Variants in RPL31 observed in about 807,000 individuals in gnomAD.
RPL31 encodes ribosomal protein L31.
For missense variants in RPL31, 95 were observed against 164.0 expected, an observed-to-expected ratio of 0.58 and a Z score of 2.30; for synonymous variants, 51 against 55.0, an observed-to-expected ratio of 0.93 and a Z score of 0.32.
downstream of RPL31, among the ~76,000 whole-genome samples, chr2:101,010,324 A>C (rs1008746015): frequency 3.3e-5 from 5 of 152,166 alleles, no homozygotes; most frequent in African/African-American, 1.2e-4. Context: ...TGAAGGGAAG[A>C]ATGCTGTATC....
Position 101,006,079 on chromosome 2 carries a change from C to T in RPL31, c.346+8C>T, listed in dbSNP as rs1303265454. ...CTGTTACCACTTTCAAAAGTAAGTT[C>T]TCCATCCCATAAAGCCATTTAAATT... On this transcript the variant is annotated splice_region_variant and intron_variant, in intron 4 of 4. Transcript: ENST00000264258. The T allele has an allele frequency of 1.9e-6, 3 of 1,612,158 alleles. No homozygotes were observed. Among genetic ancestry groups the T allele is most frequent in the East Asian group, 2.2e-5 (1 of 44,858 alleles).
At chr2:101,014,703 G>A (rs1679483575) in intron 4 of RPL31, among the ~76,000 whole-genome samples, 1 of 152,158 alleles carries the variant, frequency 6.6e-6, no homozygotes, top group Non-Finnish European at 1.5e-5. Context: ...GGTTCCAGCA[G>A]ATATCTTGAC....
At chr2:101,019,269 A>G (rs1679879787) in exon 5 of RPL31, 1 of 426,386 alleles carries the variant, frequency 2.3e-6, no homozygotes, top group East Asian at 3.3e-5. Context: ...AGAATTCTTT[A>G]GGCACACAAA....
intron 4 of RPL31, among the ~76,000 whole-genome samples, chr2:101,013,640 G>A (rs1422844777): frequency 1.3e-5 from 2 of 152,130 alleles, no homozygotes; most frequent in Non-Finnish European, 2.9e-5. Context: ...TAGCCTTAGG[G>A]ACCTTCATTA....
chr2:101,016,896 G>C (rs1371679114), intron 4 of RPL31, among the ~76,000 whole-genome samples: 3 of 151,996 alleles, frequency 2.0e-5, no homozygotes, highest in Non-Finnish European at 4.4e-5. Flanking sequence ...GACACATGAA[G>C]GGGAACATCA....
chr2:101,010,602 C>G (rs543135086), downstream of RPL31, among the ~76,000 whole-genome samples: 8 of 152,110 alleles, frequency 5.3e-5, no homozygotes, highest in Middle Eastern at 6.8e-3. Flanking sequence ...AGTTAATTCT[C>G]GGTCGGGCGC....
intron 4 of RPL31, chr2:101,017,847 A>G (rs1461056928): frequency 1.3e-5 from 20 of 1,550,668 alleles, no homozygotes; most frequent in East Asian, 2.4e-5. Context: ...GCTACATGCA[A>G]TTCCCAATTA....
chr2:101,018,741 A>G (rs950922005), intron 4 of RPL31, among the ~76,000 whole-genome samples: 1 of 152,110 alleles, frequency 6.6e-6, no homozygotes, highest in Non-Finnish European at 1.5e-5. Context: ...AAACCTCCAA[A>G]TTGTCTCATT....
chr2:101,017,258 T>G (rs757726139), intron 4 of RPL31, among the ~76,000 whole-genome samples: 2 of 152,148 alleles, frequency 1.3e-5, no homozygotes, highest in African/African-American at 2.4e-5. Context: ...TGCCTGAGGC[T>G]GTTTTACAGT....
At chr2:101,018,175 T>C (rs910726337) in intron 4 of RPL31, 11 of 391,944 alleles carry the variant, frequency 2.8e-5, no homozygotes, top group African/African-American at 2.2e-4. Flanking sequence ...TACTAATCTA[T>C]AATTATGTTT....
intron 4 of RPL31, among the ~76,000 whole-genome samples, chr2:101,012,949 T>G (rs1039594206): frequency 6.6e-6 from 1 of 152,154 alleles, no homozygotes; most frequent in Non-Finnish European, 1.5e-5. Flanking sequence ...GGAGGAAAAT[T>G]GCAAACCGTG....
In RPL31 at chr2:101,002,684, C is replaced by A; in HGVS notation, c.1-18C>A. ...CTTGTTAAACTCTGCTCTGAGCCTC[C>A]TTGTCGCCTGCATTTAGATGGCTCC... On this transcript the variant is annotated intron_variant, in intron 1 of 4. Coordinates refer to ENST00000264258, the MANE Select transcript of RPL31 (RefSeq NM_000993.5). 1 of 1,602,548 alleles carries A rather than the reference C, an allele frequency of 6.2e-7. No homozygotes were observed. The highest frequency in any genetic ancestry group is 8.5e-7 in the Non-Finnish European group (1 of 1,169,748).
In RPL31 at chr2:101,004,263, T is replaced by C. The variant is rs200352375; in HGVS notation, c.213T>C (p.Ala71=). The change falls in exon 3 of 5, where the codon GCT becomes GCC. Residue 71 remains alanine, a synonymous_variant. Transcript: ENST00000264258. ...GCATTGACACCAGGCTCAACAAAGCTGTCTGGGCCAAAGGAATAAGGTGCT... is the reference window on the plus strand; with the variant it reads ...GCATTGACACCAGGCTCAACAAAGCCGTCTGGGCCAAAGGAATAAGGTGCT... ...DVRIDTRLNK[A]VWAKGIRNVP... The C allele has an allele frequency of 3.7e-5, 60 of 1,614,142 alleles. No individual in the cohort carries two copies. In the Admixed American group the frequency reaches 5.5e-4, roughly 15 times the overall value.
intron 4 of RPL31, among the ~76,000 whole-genome samples, chr2:101,013,338 C>G (rs997881473): frequency 1.6e-4 from 25 of 152,216 alleles, no homozygotes; most frequent in African/African-American, 6.0e-4. Flanking sequence ...AGAATGCATA[C>G]AGTCTTTAAA....
chr2:101,008,773 T>G (rs1249517332), downstream of RPL31, among the ~76,000 whole-genome samples: 1 of 151,366 alleles, frequency 6.6e-6, no homozygotes, highest in Non-Finnish European at 1.5e-5. Context: ...ATCACACCAT[T>G]GCACTCCAGC....
At chr2:101,003,422 C>T (rs1272969027) in intron 2 of RPL31, among the ~76,000 whole-genome samples, 1 of 152,068 alleles carries the variant, frequency 6.6e-6, no homozygotes, top group East Asian at 1.9e-4. Flanking sequence ...CTGGGATTAC[C>T]GGACCCCGCC....
At position 101,006,037 on chromosome 2, in the gene RPL31, T is replaced by G. The variant is rs770541159; in HGVS notation, c.312T>G (p.Thr104=). The G allele has an allele frequency of 5.6e-6, 9 of 1,614,014 alleles. No individual in the cohort carries two copies. Among genetic ancestry groups the G allele is most frequent in the Non-Finnish European group, 6.8e-6 (8 of 1,179,984 alleles). The change falls in exon 4 of 5, where the codon ACT becomes ACG. Residue 104 remains threonine, a synonymous_variant. Transcript: ENST00000264258. ...AAGATTCACCAAATAAGCTATATAC[T>G]TTGGTTACCTATGTACCTGTTACCA... ...EDEDSPNKLY[T]LVTYVPVTTF...
intron 4 of RPL31, among the ~76,000 whole-genome samples, chr2:101,012,864 A>G (rs1041783239): frequency 5.9e-5 from 9 of 152,254 alleles, no homozygotes; most frequent in Non-Finnish European, 1.2e-4. Context: ...TTGGAAAGCT[A>G]CCCTTACTTT....
rs1558959676 is a variant in RPL31, at chr2:101,006,735, ATATAC to A, written c.*358_*362del. ...CATTTTAGGAAACAACTTTAAAATGATATACTATCTATCTATCTATCTGTAGCATC... is the reference window on the plus strand; with the variant it reads ...CATTTTAGGAAACAACTTTAAAATGATATCTATCTATCTATCTGTAGCATC... On this transcript the variant is annotated 3_prime_UTR_variant, in exon 5 of 5. Transcript: ENST00000264258. The A allele has an allele frequency of 8.8e-6, 2 of 226,964 alleles. No individual in the cohort carries two copies. The highest frequency in any genetic ancestry group is 4.6e-5 in the African/African-American group (2 of 43,320). 14.1% of individuals were successfully genotyped at this position (226,964 alleles called of 1,614,324 possible).
Sources: allele counts gnomAD v4.1 joint callset (sites outside exome capture counted in the v4.1 genomes callset), GRCh38; gene constraint gnomAD v4.1.1; transcripts MANE v1.5; gene names NCBI Gene and HGNC (gene_info 2026-07-23, HGNC 2026-07-21).